TMEM132C: variants seen among roughly 807,000 people sequenced by gnomAD.
The protein encoded by TMEM132C is transmembrane protein 132C, also known as protein phosphatase 1, regulatory subunit 152.
Under a neutral mutation model 61.4 loss-of-function variants are expected in TMEM132C, and 29 were observed. The ratio of observed to expected loss-of-function variants is 0.47; its 90% CI spans 0.35 to 0.64. The LOEUF (loss-of-function observed/expected upper bound fraction) is 0.64. Among genes scored for constraint, TMEM132C ranks in the 30% least tolerant of loss-of-function variants. The pLI is 0.00. For missense variants in TMEM132C, 1,408 were observed against 1,476.9 expected (o/e 0.95, Z 0.76); for synonymous variants, 656 against 633.1 (o/e 1.04, Z -0.54).
At chr12:128,432,973 A>G (rs1869442650) in intron 2 of TMEM132C, among the ~76,000 whole-genome samples, 2 of 151,350 alleles carry the variant, frequency 1.3e-5, no homozygotes, top group Admixed American at 6.6e-5. Flanking sequence ...GCAGCCATCA[A>G]TATTGAGGCA....
chr12:128,453,421 T>A (rs1357056854), intron 2 of TMEM132C, among the ~76,000 whole-genome samples: 1 of 152,180 alleles, frequency 6.6e-6, no homozygotes, highest in African/African-American at 2.4e-5. Context: ...TTTCAACCTC[T>A]CTAGTTTCTC....
intron 2 of TMEM132C, among the ~76,000 whole-genome samples, chr12:128,542,795 A>G (rs1873804207): frequency 7.2e-6 from 1 of 138,242 alleles, no homozygotes; most frequent in African/African-American, 2.7e-5. Flanking sequence ...CAGGAGGCGG[A>G]GGTTGCAATG....
chr12:128,496,380 G>A (rs1460583972), intron 2 of TMEM132C, among the ~76,000 whole-genome samples: 1 of 152,116 alleles, frequency 6.6e-6, no homozygotes, highest in Non-Finnish European at 1.5e-5. Context: ...ATGTTGGCCT[G>A]CCTTACTAGA....
At position 128,415,434 on chromosome 12, in the gene TMEM132C, C is replaced by T. The variant is rs560289448; in HGVS notation, c.788C>T (p.Thr263Met). The change falls in exon 2 of 9, where the codon ACG becomes ATG. Residue 263 changes from threonine to methionine, a missense_variant. Transcript: ENST00000435159. The surrounding 1 kb of genome is among the most constrained non-coding windows in gnomAD (Gnocchi z 5.8). ...GGAAAGGATGGGCTGGAGGAAACCA[C>T]GTCCCACCTGCAGAGGATCGGCACC... ...RPGKDGLEET[T>M]SHLQRIGTVG... The T allele has an allele frequency of 3.9e-5, 61 of 1,551,530 alleles. 1 individual carries two copies. The highest frequency in any genetic ancestry group is 1.7e-4 in the Middle Eastern group (1 of 5,988).
intron 1 of TMEM132C, among the ~76,000 whole-genome samples, chr12:128,381,429 C>T (rs1874393616): frequency 6.6e-6 from 1 of 152,184 alleles, no homozygotes; most frequent in Admixed American, 6.5e-5. Context: ...CGTGGCAACC[C>T]TGGGAGCCGG....
At chr12:128,294,991 A>ATAGATAGATAGATAGATAGATAGATAGG (rs370700296) in intron 1 of TMEM132C, among the ~76,000 whole-genome samples, 2,649 of 149,536 alleles carry the variant, frequency 0.018, 50 homozygotes, top group African/African-American at 0.055. Context: ...TAAATAATAG[A>ATAGATAGATAGATAGATAGATAGATAGG]TAGATAGATA....
chr12:128,572,536 G>T (rs979121108), intron 3 of TMEM132C, among the ~76,000 whole-genome samples: 3 of 151,386 alleles, frequency 2.0e-5, no homozygotes, highest in Non-Finnish European at 2.9e-5. Context: ...GATTGGCCGG[G>T]CCTGGGTCAC....
At chr12:128,595,033 G>A (rs1456458293) in intron 3 of TMEM132C, among the ~76,000 whole-genome samples, 3 of 152,186 alleles carry the variant, frequency 2.0e-5, no homozygotes, top group African/African-American at 4.8e-5. Flanking sequence ...GATGCTCGCC[G>A]GCCAGCATTC....
intron 2 of TMEM132C, among the ~76,000 whole-genome samples, chr12:128,454,009 A>G (rs1870264516): frequency 6.6e-6 from 1 of 152,220 alleles, no homozygotes; most frequent in Non-Finnish European, 1.5e-5. Flanking sequence ...CCTAACATGA[A>G]AAAGATCTAG....
intron 1 of TMEM132C, among the ~76,000 whole-genome samples, chr12:128,338,085 G>A (rs1448431359): frequency 2.1e-5 from 3 of 145,388 alleles, no homozygotes; most frequent in Non-Finnish European, 4.4e-5. Context: ...TTTACATCTG[G>A]CTTTTTTTTT....
chr12:128,626,840 C>G (rs900232491), intron 4 of TMEM132C, among the ~76,000 whole-genome samples: 8 of 152,154 alleles, frequency 5.3e-5, no homozygotes, highest in African/African-American at 1.9e-4. Context: ...ATTCTCAGAC[C>G]TCACCTGCTA....
chr12:128,667,092 T>C (rs550552241), intron 4 of TMEM132C, among the ~76,000 whole-genome samples: 1 of 152,054 alleles, frequency 6.6e-6, no homozygotes, highest in African/African-American at 2.4e-5. Context: ...GATACAGATA[T>C]AGATAGAGAT....
chr12:128,371,098 G>A (rs1518379), intron 1 of TMEM132C, among the ~76,000 whole-genome samples: 3,848 of 152,142 alleles, frequency 0.025, 118 homozygotes, highest in East Asian at 0.12. Flanking sequence ...GATGTTAGCC[G>A]CATCTAACAT....
chr12:128,313,372 T>G (rs970996741), intron 1 of TMEM132C, among the ~76,000 whole-genome samples: 4 of 152,102 alleles, frequency 2.6e-5, no homozygotes, highest in Admixed American at 6.5e-5. Flanking sequence ...GCACCCCCAG[T>G]CTCTATCTTC....
At chr12:128,641,731 G>A (rs1954159184) in intron 4 of TMEM132C, among the ~76,000 whole-genome samples, 1 of 152,210 alleles carries the variant, frequency 6.6e-6, no homozygotes, top group Non-Finnish European at 1.5e-5. Flanking sequence ...CAAGTCTGTG[G>A]TCATGCGTTA....
chr12:128,605,017 AGATGAATGGATG>A (rs910714877), intron 3 of TMEM132C, among the ~76,000 whole-genome samples: 1 of 146,482 alleles, frequency 6.8e-6, no homozygotes, highest in Non-Finnish European at 1.5e-5. Flanking sequence ...CATAGATAAT[AGATGAATGGATG>A]GATGGATGGA....
At chr12:128,494,120 G>C (rs1209868023) in intron 2 of TMEM132C, among the ~76,000 whole-genome samples, 2 of 152,134 alleles carry the variant, frequency 1.3e-5, no homozygotes, top group African/African-American at 2.4e-5. Flanking sequence ...TGTGGTTTTT[G>C]TCTTTGGTTC....
At chr12:128,518,827 T>C (rs1208771692) in intron 2 of TMEM132C, among the ~76,000 whole-genome samples, 1 of 152,108 alleles carries the variant, frequency 6.6e-6, no homozygotes, top group Non-Finnish European at 1.5e-5. Flanking sequence ...GACTGCATGG[T>C]TTGAATTCCA....
chr12:128,294,333 C>T (rs1367321871), intron 1 of TMEM132C, among the ~76,000 whole-genome samples: 1 of 152,128 alleles, frequency 6.6e-6, no homozygotes, highest in Non-Finnish European at 1.5e-5. Flanking sequence ...CAGAAACCAG[C>T]CAACAATGCT....
Sources: allele counts gnomAD v4.1 joint callset (sites outside exome capture counted in the v4.1 genomes callset), GRCh38; gene constraint gnomAD v4.1.1; non-coding constraint Gnocchi (gnomAD v3.1); transcripts MANE v1.5; gene names NCBI Gene and HGNC (gene_info 2026-07-23, HGNC 2026-07-21).